The following GREB1L variants were observed in gnomAD, a reference collection of about 807,000 sequenced individuals.
GREB1L encodes the protein GREB1-like protein.
A neutral mutation model predicts 200.8 loss-of-function variants in GREB1L; 17 were observed. The ratio of observed to expected loss-of-function variants is 0.08; its 90% confidence interval spans 0.06 to 0.13. GREB1L has a LOEUF of 0.13. GREB1L is among the 10% of genes least tolerant of loss of function. The pLI is 1.00. For synonymous variants in GREB1L, 789 were observed against 893.0 expected (o/e 0.88, Z 2.08); for missense variants, 1,657 against 2,367.7 (o/e 0.70, Z 6.23).
At chr18:21,472,544 C>T (rs2035523726) in intron 15 of GREB1L, among the ~76,000 whole-genome samples, 1 of 152,072 alleles carries the variant, frequency 6.6e-6, no homozygotes, top group African/African-American at 2.4e-5. Flanking sequence ...TAAAACACTA[C>T]CATGAAAAGC....
At chr18:21,508,793 A>G in intron 27 of GREB1L, 1 of 596,410 alleles carries the variant, frequency 1.7e-6, no homozygotes, top group South Asian at 2.0e-5. Context: ...ACTTTTGCAG[A>G]ATTAACTCTG....
chr18:21,269,185 C>A (rs952970358), intron 1 of GREB1L, among the ~76,000 whole-genome samples: 1 of 152,072 alleles, frequency 6.6e-6, no homozygotes, highest in Non-Finnish European at 1.5e-5. Flanking sequence ...CAAAATTAGT[C>A]TAATACTCAT....
intron 1 of GREB1L, chr18:21,316,923 G>C (rs889122810): frequency 1.3e-5 from 2 of 151,786 alleles, no homozygotes; most frequent in Non-Finnish European, 2.9e-5. Context: ...CACCATGCCT[G>C]GCTAATTTTT....
At chr18:21,377,275 AAG>A (rs1259496459) in intron 2 of GREB1L, among the ~76,000 whole-genome samples, 1 of 152,096 alleles carries the variant, frequency 6.6e-6, no homozygotes, top group Non-Finnish European at 1.5e-5. Context: ...GAAAAAAAAA[AAG>A]AGTAGCTTGG....
intron 1 of GREB1L, among the ~76,000 whole-genome samples, chr18:21,349,228 T>G (rs932201372): frequency 1.2e-4 from 18 of 147,486 alleles, no homozygotes; most frequent in Admixed American, 1.2e-3. Flanking sequence ...AATTATGTTA[T>G]TTTTTTTTTG....
At chr18:21,454,761 GGGTAAATT>G in intron 15 of GREB1L, 198 bp downstream of exon 15, 1 of 595,622 alleles carries the variant, frequency 1.7e-6, no homozygotes, top group Admixed American at 2.9e-5. Flanking sequence ...TCAAGGTCAA[GGGTAAATT>G]GTTGTGCATG....
chr18:21,305,938 G>A (rs780641401), intron 1 of GREB1L, among the ~76,000 whole-genome samples: 2 of 152,144 alleles, frequency 1.3e-5, no homozygotes, highest in African/African-American at 2.4e-5. Flanking sequence ...TGTTGTTCAA[G>A]TCTTTCCTAA....
chr18:21,419,200 C>T (rs1454190003), intron 7 of GREB1L, among the ~76,000 whole-genome samples: 2 of 151,992 alleles, frequency 1.3e-5, no homozygotes, highest in East Asian at 1.9e-4. Flanking sequence ...TTCTAGAGTT[C>T]GCAGAAGGAC....
At chr18:21,515,330 C>T (rs1047993691) in intron 28 of GREB1L, 87 bp from the exon 29 acceptor site, 11 of 848,948 alleles carry the variant, frequency 1.3e-5, no homozygotes, top group Admixed American at 7.6e-5. Flanking sequence ...GAGAGTATTA[C>T]TGGTATATAG....
intron 7 of GREB1L, among the ~76,000 whole-genome samples, chr18:21,410,843 C>T (rs1173977109): frequency 1.3e-5 from 2 of 151,902 alleles, no homozygotes; most frequent in African/African-American, 2.4e-5. Context: ...ACATGGCTCA[C>T]TCTTTGGGAG....
intron 6 of GREB1L, among the ~76,000 whole-genome samples, chr18:21,403,459 G>C (rs1396231608): frequency 6.6e-6 from 1 of 152,188 alleles, no homozygotes. Context: ...GTTATAGGCA[G>C]CCTAGACAGA....
At chr18:21,347,643 G>A (rs2143180249) in intron 1 of GREB1L, among the ~76,000 whole-genome samples, 1 of 151,202 alleles carries the variant, frequency 6.6e-6, no homozygotes, top group East Asian at 2.0e-4. Flanking sequence ...TTTTAGTAGA[G>A]ACGGGGTTTT....
rs374665515 is a variant in GREB1L at position 21,510,998 on chromosome 18, A to T, written c.4735+2407A>T. On this transcript the variant is annotated intron_variant, in intron 27 of 32. Transcript: ENST00000424526. ...AGTCCTTTGTTGAAAAATCAACTGAATTATTTTGTTGTTGTTGAGTTGTAG... is the reference window on the plus strand; with the variant it reads ...AGTCCTTTGTTGAAAAATCAACTGATTTATTTTGTTGTTGTTGAGTTGTAG... 5.7e-4 allele frequency among the ~76,000 whole-genome samples: 87 copies of T among 152,226 alleles called. 2 individuals carry two copies. The South Asian group carries it at 0.018, about 32-fold the overall frequency.
intron 7 of GREB1L, among the ~76,000 whole-genome samples, chr18:21,426,983 A>C (rs1487296670): frequency 1.0e-5 from 1 of 95,804 alleles, no homozygotes; most frequent in Non-Finnish European, 2.1e-5. Flanking sequence ...CAAAAAAAAA[A>C]AAAACAAAAA....
At chr18:21,252,558 A>G (rs755506643) in intron 1 of GREB1L, among the ~76,000 whole-genome samples, 2 of 95,040 alleles carry the variant, frequency 2.1e-5, no homozygotes, top group Non-Finnish European at 3.5e-5. Context: ...ACTCCATCTG[A>G]AAAAAAAAAA....
Position 21,460,651 on chromosome 18 carries a change from G to C in GREB1L, c.2182+6088G>C, listed in dbSNP as rs180747491. Among the ~76,000 whole-genome samples, 7 of 151,856 alleles carry C rather than the reference G, an allele frequency of 4.6e-5. No individual in the cohort carries two copies. The East Asian group carries it at 1.4e-3, about 30-fold the overall frequency. On this transcript the variant is annotated intron_variant, in intron 15 of 32. Transcript: ENST00000424526. The stretch of plus-strand genomic sequence containing the variant: ...CACTGTGCATAGCCCTTTTTTGATT[G>C]TTTAGTTGGTTCTCTCTCCCATTCT...
chr18:21,445,974 A>C (rs573659562), intron 11 of GREB1L, among the ~76,000 whole-genome samples: 1 of 152,350 alleles, frequency 6.6e-6, no homozygotes, highest in South Asian at 2.1e-4. Flanking sequence ...TGATATAGCC[A>C]ACCAAGAAAA....
chr18:21,409,790 T>C (rs1372534342), intron 7 of GREB1L, among the ~76,000 whole-genome samples: 3 of 152,184 alleles, frequency 2.0e-5, no homozygotes, highest in Non-Finnish European at 4.4e-5. Context: ...TGGTTTCCTT[T>C]CCTCATTTGC....
chr18:21,450,689 C>T (rs1440744699), intron 12 of GREB1L: 1 of 185,026 alleles, frequency 5.4e-6, no homozygotes, highest in African/African-American at 2.4e-5. Flanking sequence ...AATTGGCCAG[C>T]CCTGGGGCAG....
Sources: allele counts gnomAD v4.1 joint callset (sites outside exome capture counted in the v4.1 genomes callset), GRCh38; gene constraint gnomAD v4.1.1; transcripts MANE v1.5; gene names NCBI Gene and HGNC (gene_info 2026-07-23, HGNC 2026-07-21).